MAGEA3: variants seen among roughly 807,000 people sequenced by gnomAD.
MAGEA3 encodes the protein melanoma-associated antigen 3.
For missense variants in MAGEA3, 207 were observed against 239.1 expected, an observed-to-expected ratio of 0.87 and a Z score of 0.89; for synonymous variants, 110 against 102.2, an observed-to-expected ratio of 1.08 and a Z score of -0.46.
rs7057497 is a variant in MAGEA3 at position 152,701,267 on chromosome X, T to C, written c.435T>C (p.Tyr145=). The change falls in exon 3 of 3, where the codon TAT becomes TAC. Residue 145 remains tyrosine, a synonymous_variant. Transcript: ENST00000370278. The part of the protein sequence containing the change: ...MLGSVVGNWQ[Y]FFPVIFSKAS... Reference sequence around the variant, plus strand: ...GGAGTGTCGTCGGAAATTGGCAGTATTTCTTTCCTGTGATCTTCAGCAAAG... The same window carrying C: ...GGAGTGTCGTCGGAAATTGGCAGTACTTCTTTCCTGTGATCTTCAGCAAAG... 2,249 of 1,207,015 alleles carry C rather than the reference T, an allele frequency of 1.9e-3. 18 individuals carry two copies. Among genetic ancestry groups the C allele is most frequent in the South Asian group, 5.1e-3 (290 of 56,618 alleles).
rs1556827244 is a variant in MAGEA3 at position 152,701,765 on chromosome X, G to A, written c.933G>A (p.Glu311=). The change falls in exon 3 of 3, where the codon GAG becomes GAA. Residue 311 remains glutamate (E), a synonymous_variant. Coordinates refer to ENST00000370278, the MANE Select transcript of MAGEA3 (RefSeq NM_005362.4). ...YPPLHEWVLR[E]GEE is the part of the protein sequence containing the mutation. ...CCCTGCATGAGTGGGTTTTGAGAGA[G>A]GGGGAAGAGTGAGTCTGAGCACGAG... 2 of 1,208,051 alleles carry A rather than the reference G, an allele frequency of 1.7e-6. No individual in the cohort carries two copies. The highest frequency in any genetic ancestry group is 2.2e-5 in the Admixed American group (1 of 45,954).
Position 152,701,589 on chromosome X carries a change from G to A in MAGEA3, c.757G>A (p.Glu253Lys). The change falls in exon 3 of 3, where the codon GAA (glutamate) becomes AAA (lysine). Residue 253 changes from glutamate to lysine, a missense_variant. Physicochemically the swap from Glu to Lys is moderately conservative, Grantham distance 56. Transcript: ENST00000370278. ...GCTGCTCACCCAACATTTCGTGCAG[G>A]AAAACTACCTGGAGTACCGGCAGGT... ...KKLLTQHFVQENYLEYRQVPG... is the reference protein window; with the variant it reads ...KKLLTQHFVQKNYLEYRQVPG... 1.7e-6 allele frequency: 2 copies of A among 1,210,448 alleles called. No individual in the cohort carries two copies. Among genetic ancestry groups the A allele is most frequent in the Non-Finnish European group, 2.2e-6 (2 of 894,500 alleles).
rs1556826266 is a variant in MAGEA3, at chrX:152,701,192, G to T, written c.360G>T (p.Leu120=). The T allele has an allele frequency of 8.3e-7, 1 of 1,209,750 alleles. No individual in the cohort carries two copies. Among genetic ancestry groups the T allele is most frequent in the South Asian group, 1.8e-5 (1 of 56,851 alleles). The change falls in exon 3 of 3, where the codon CTG becomes CTT. Residue 120 remains leucine, a synonymous_variant. Coordinates refer to ENST00000370278, the MANE Select transcript of MAGEA3 (RefSeq NM_005362.4). ...AGGTGGCCGAGTTGGTTCATTTTCT[G>T]CTCCTCAAGTATCGAGCCAGGGAGC... ...SRKVAELVHF[L]LLKYRAREPV...
At position 152,701,542 on chromosome X, in the gene MAGEA3, G is replaced by A. The variant is rs2124946973; in HGVS notation, c.710G>A (p.Ser237Asn). 1.7e-6 allele frequency: 2 copies of A among 1,210,426 alleles called. No individual in the cohort carries two copies. Among genetic ancestry groups the A allele is most frequent in the Admixed American group, 2.2e-5 (1 of 46,083 alleles). Residue 237 changes from serine to asparagine, a missense_variant, in exon 3 of 3, where the codon AGT becomes AAT. Physicochemically the swap from Ser to Asn is conservative, Grantham distance 46. Coordinates refer to ENST00000370278, the MANE Select transcript of MAGEA3 (RefSeq NM_005362.4). Reference protein sequence around the residue: ...VLEVFEGREDSILGDPKKLLT... With the variant: ...VLEVFEGREDNILGDPKKLLT... ...GAGGTGTTTGAGGGGAGGGAAGACAGTATCTTGGGGGATCCCAAGAAGCTG... is the reference window on the plus strand; with the variant it reads ...GAGGTGTTTGAGGGGAGGGAAGACAATATCTTGGGGGATCCCAAGAAGCTG...
chrX:152,701,754 G>T lies in MAGEA3; in HGVS notation c.922G>T (p.Val308Phe). 8.3e-7 allele frequency: 1 copy of T among 1,209,056 alleles called. No homozygotes were observed. Among genetic ancestry groups the T allele is most frequent in the Non-Finnish European group, 1.1e-6 (1 of 893,914 alleles). ...HISYPPLHEW[V>F]LREGEE ...TTCCTACCCACCCCTGCATGAGTGG[G>T]TTTTGAGAGAGGGGGAAGAGTGAGT... The change falls in exon 3 of 3, where the codon GTT becomes TTT. Residue 308 changes from valine to phenylalanine, a missense_variant. Val to Phe is a conservative substitution (Grantham distance 50). Transcript: ENST00000370278.
At position 152,701,348 on chromosome X, in the gene MAGEA3, C is replaced by T. The variant is rs144026291; in HGVS notation, c.516C>T (p.Ile172=). ...TCGAGCTGATGGAAGTGGACCCCAT[C>T]GGCCACTTGTACATCTTTGCCACCT... ...FGIELMEVDP[I]GHLYIFATCL... is the part of the protein sequence containing the mutation. The change falls in exon 3 of 3, where the codon ATC becomes ATT. Residue 172 remains isoleucine (I), a synonymous_variant. Transcript: ENST00000370278. 16 of 1,208,829 alleles carry T rather than the reference C, an allele frequency of 1.3e-5. No homozygotes were observed. The highest frequency in any genetic ancestry group is 6.5e-5 in the Admixed American group (3 of 45,862).
In MAGEA3 at chrX:152,700,979, C is replaced by G. The variant is rs1556826034; in HGVS notation, c.147C>G (p.Thr49=). 1 of 1,159,426 alleles carries G rather than the reference C, an allele frequency of 8.6e-7. No homozygotes were observed. Among genetic ancestry groups the G allele is most frequent in the Non-Finnish European group, 1.2e-6 (1 of 867,961 alleles). The stretch of plus-strand genomic sequence containing the variant: ...CCTCTTCTACTCTAGTTGAAGTCAC[C>G]CTGGGGGAGGTGCCTGCTGCCGAGT... The part of the protein sequence containing the change: ...ASSSSTLVEV[T]LGEVPAAESP... The change falls in exon 3 of 3, where the codon ACC becomes ACG. Residue 49 remains threonine, a synonymous_variant. Coordinates refer to ENST00000370278, the MANE Select transcript of MAGEA3 (RefSeq NM_005362.4).
chrX:152,700,190 C>T (rs782552981), intron 1 of MAGEA3, among the ~76,000 whole-genome samples: 2 of 108,507 alleles, frequency 1.8e-5, no homozygotes, highest in East Asian at 2.7e-4. Context: ...ATTCTCAGGC[C>T]AGCAGAAGGG....
rs369447817 is a variant in MAGEA3, at chrX:152,700,637, G to A, written c.-116G>A. 1.5e-3 allele frequency: 1,141 copies of A among 781,551 alleles called. No individual in the cohort carries two copies. In the African/African-American group the frequency reaches 0.023, roughly 16 times the overall value. The allele number at this position is 781,551 out of a possible 1,213,427, so 64.4% of individuals were successfully genotyped here. A position where few individuals can be genotyped will look rare whatever the true frequency, so the allele number is the denominator to read the frequency against. ...CCTCCTTCAGGTTCTGAGGGGACAG[G>A]CTGACCTGGAGGACCAGAGGCCCCC... On this transcript the variant is annotated 5_prime_UTR_variant, in exon 2 of 3. Coordinates refer to ENST00000370278, the MANE Select transcript of MAGEA3 (RefSeq NM_005362.4).
Position 152,702,136 on chromosome X carries a change from T to C in MAGEA3, c.*359T>C. On this transcript the variant is annotated 3_prime_UTR_variant, in exon 3 of 3. Coordinates refer to ENST00000370278, the MANE Select transcript of MAGEA3 (RefSeq NM_005362.4). Reference sequence around the variant, plus strand: ...CCATTCCATTTTGTGAATTGTGACATAATAATAGCAGTGGTAAAAGTATTT... The same window carrying C: ...CCATTCCATTTTGTGAATTGTGACACAATAATAGCAGTGGTAAAAGTATTT... 4.1e-6 allele frequency: 1 copy of C among 245,038 alleles called. No individual in the cohort carries two copies. The highest frequency in any genetic ancestry group is 7.6e-6 in the Non-Finnish European group (1 of 131,498). The allele number at this position is 245,038 out of a possible 1,213,427, so 20.2% of individuals were successfully genotyped here. A position where few individuals can be genotyped will look rare whatever the true frequency, so the allele number is the denominator to read the frequency against.
In MAGEA3 at chrX:152,701,608, G is replaced by A. The variant is rs782707643; in HGVS notation, c.776G>A (p.Arg259Gln). The change falls in exon 3 of 3, where the codon CGG (arginine) becomes CAG (glutamine). Residue 259 changes from arginine (R) to glutamine (Q), a missense_variant. Physicochemically the swap from Arg to Gln is conservative, Grantham distance 43 (BLOSUM62 1). Coordinates refer to ENST00000370278, the MANE Select transcript of MAGEA3 (RefSeq NM_005362.4). The part of the protein sequence containing the change: ...HFVQENYLEY[R>Q]QVPGSDPACY... ...GTGCAGGAAAACTACCTGGAGTACC[G>A]GCAGGTCCCCGGCAGTGATCCTGCA... 7 of 1,208,966 alleles carry A rather than the reference G, an allele frequency of 5.8e-6. No individual in the cohort carries two copies. The highest frequency in any genetic ancestry group is 2.2e-5 in the Admixed American group (1 of 45,900).
At position 152,702,039 on chromosome X, in the gene MAGEA3, A is replaced by G; in HGVS notation, c.*262A>G. 2.5e-6 allele frequency: 1 copy of G among 405,810 alleles called. No homozygotes were observed. The allele number at this position is 405,810 out of a possible 1,213,427, so 33.4% of individuals were successfully genotyped here. ...GCGTCAGCATCCAGGTTTATGAATG[A>G]CAGTAGTCACACATAGTGCTGTTTA... is the stretch of plus-strand genomic sequence containing the variant. On this transcript the variant is annotated 3_prime_UTR_variant, in exon 3 of 3. Coordinates refer to ENST00000370278, the MANE Select transcript of MAGEA3 (RefSeq NM_005362.4).
chrX:152,700,465 G>A (rs1349209515), intron 1 of MAGEA3, 157 bp from the exon 2 acceptor site: 4 of 281,086 alleles, frequency 1.4e-5, no homozygotes, highest in Non-Finnish European at 2.6e-5. Flanking sequence ...TAGTGCCAAC[G>A]GTGAAGGTTT....
chrX:152,701,567 G>A lies in MAGEA3; in HGVS notation c.735G>A (p.Leu245=), dbSNP rs1931765715. The change falls in exon 3 of 3, where the codon CTG becomes CTA. Residue 245 remains leucine, a synonymous_variant. Coordinates refer to ENST00000370278, the MANE Select transcript of MAGEA3 (RefSeq NM_005362.4). Reference sequence around the variant, plus strand: ...GTATCTTGGGGGATCCCAAGAAGCTGCTCACCCAACATTTCGTGCAGGAAA... The same window carrying A: ...GTATCTTGGGGGATCCCAAGAAGCTACTCACCCAACATTTCGTGCAGGAAA... ...EDSILGDPKK[L]LTQHFVQENY... The A allele has an allele frequency of 6.6e-6, 8 of 1,210,404 alleles. No individual in the cohort carries two copies. In the East Asian group the frequency reaches 2.4e-4, roughly 36 times the overall value.
chrX:152,701,096 C>T lies in MAGEA3; in HGVS notation c.264C>T (p.Ser88=). 8.3e-7 allele frequency: 1 copy of T among 1,207,710 alleles called. No individual in the cohort carries two copies. Among genetic ancestry groups the T allele is most frequent in the Non-Finnish European group, 1.1e-6 (1 of 893,669 alleles). The change falls in exon 3 of 3, where the codon AGC becomes AGT. Residue 88 remains serine, a synonymous_variant. Transcript: ENST00000370278. ...GGAGCCAATCCTATGAGGACTCCAG[C>T]AACCAAGAAGAGGAGGGGCCAAGCA... The part of the protein sequence containing the change: ...PLWSQSYEDS[S]NQEEEGPSTF...
intron 1 of MAGEA3, 123 bp from the exon 2 acceptor site, chrX:152,700,499 C>T: frequency 2.7e-6 from 1 of 370,647 alleles, no homozygotes; most frequent in African/African-American, 2.9e-5. Flanking sequence ...ACCAAGGGCC[C>T]CACCTGCCCC....
Position 152,701,960 on chromosome X carries a change from C to T in MAGEA3, c.*183C>T, listed in dbSNP as rs782235413. On this transcript the variant is annotated 3_prime_UTR_variant, in exon 3 of 3. Transcript: ENST00000370278. Reference sequence around the variant, plus strand: ...TCTGTTGGATGACTTTGAGATTATTCTTTGTTTCCTGTTGGAGTTGTTCAA... The same window carrying T: ...TCTGTTGGATGACTTTGAGATTATTTTTTGTTTCCTGTTGGAGTTGTTCAA... 2 of 482,517 alleles carry T rather than the reference C, an allele frequency of 4.1e-6. No individual in the cohort carries two copies. Among genetic ancestry groups the T allele is most frequent in the African/African-American group, 5.0e-5 (2 of 40,399 alleles). 39.8% of individuals were successfully genotyped at this position (482,517 alleles called of 1,213,427 possible). A position where few individuals can be genotyped will look rare whatever the true frequency, so the allele number is the denominator to read the frequency against.
chrX:152,701,829 C>T lies in MAGEA3; in HGVS notation c.*52C>T, dbSNP rs782599572. The T allele has an allele frequency of 1.8e-6, 2 of 1,139,662 alleles. No homozygotes were observed. Among genetic ancestry groups the T allele is most frequent in the Non-Finnish European group, 2.4e-6 (2 of 844,864 alleles). 93.9% of individuals were successfully genotyped at this position (1,139,662 alleles called of 1,213,427 possible). A position where few individuals can be genotyped will look rare whatever the true frequency, so the allele number is the denominator to read the frequency against. Reference sequence around the variant, plus strand: ...CAGTGGGAGGGGGTCTGGGCCAGTGCACCTTCCGGGGCCGCATCCCTTAGT... The same window carrying T: ...CAGTGGGAGGGGGTCTGGGCCAGTGTACCTTCCGGGGCCGCATCCCTTAGT... On this transcript the variant is annotated 3_prime_UTR_variant, in exon 3 of 3. Transcript: ENST00000370278.
chrX:152,701,950 T>C lies in MAGEA3; in HGVS notation c.*173T>C. The C allele has an allele frequency of 2.0e-6, 1 of 507,256 alleles. No homozygotes were observed. The highest frequency in any genetic ancestry group is 3.3e-6 in the Non-Finnish European group (1 of 302,231). 41.8% of individuals were successfully genotyped at this position (507,256 alleles called of 1,213,427 possible). A position where few individuals can be genotyped will look rare whatever the true frequency, so the allele number is the denominator to read the frequency against. On this transcript the variant is annotated 3_prime_UTR_variant, in exon 3 of 3. Coordinates refer to ENST00000370278, the MANE Select transcript of MAGEA3 (RefSeq NM_005362.4). ...GGGTTTCTGTTCTGTTGGATGACTT[T>C]GAGATTATTCTTTGTTTCCTGTTGG...
Sources: gnomAD v4.1 joint callset for allele counts (sites outside exome capture counted in the v4.1 genomes callset) on GRCh38, gnomAD v4.1.1 for gene constraint, MANE v1.5 for transcripts, NCBI Gene and HGNC (gene_info 2026-07-23, HGNC 2026-07-21) for gene names.